Variants in FMN1 observed in about 807,000 individuals in gnomAD.
The protein encoded by FMN1 is formin-1.
Under a neutral mutation model 132.4 loss-of-function variants are expected in FMN1, and 110 were observed. The ratio of observed to expected loss-of-function variants is 0.83; its 90% CI spans 0.71 to 0.97. The LOEUF (loss-of-function observed/expected upper bound fraction) is 0.97. FMN1 is among the 50% of genes least tolerant of loss of function. The pLI, the probability that FMN1 is intolerant of heterozygous loss-of-function variation, is 0.00. For synonymous variants in FMN1, 722 were observed against 651.7 expected, an observed-to-expected ratio of 1.11 and a Z score of -1.64; for missense variants, 1,792 against 1,705.3, an observed-to-expected ratio of 1.05 and a Z score of -0.90.
rs536371631 is a variant in FMN1 at position 33,128,852 on chromosome 15, G to A, written c.1867+24196C>T. The stretch of plus-strand genomic sequence containing the variant: ...CTCCGCAATGCGGAAGACAACCGGA[G>A]CAGACTGCAGAGGCCTGCGTGCGTG... On this transcript the variant is annotated intron_variant, in intron 4 of 20. Transcript: ENST00000616417. 5.2e-4 allele frequency among the ~76,000 whole-genome samples: 79 copies of A among 152,332 alleles called. 1 individual carries two copies. The highest frequency in any genetic ancestry group is 1.8e-3 in the African/African-American group (74 of 41,580).
chr15:32,928,371 T>C (rs1397327235), intron 9 of FMN1, among the ~76,000 whole-genome samples: 1 of 151,826 alleles, frequency 6.6e-6, no homozygotes, highest in Non-Finnish European at 1.5e-5. Context: ...TCCTTAAAAA[T>C]GCAATTTCTG....
chr15:32,917,495 TTAA>T, intron 10 of FMN1, among the ~76,000 whole-genome samples: 1 of 152,234 alleles, frequency 6.6e-6, no homozygotes, highest in East Asian at 1.9e-4. Flanking sequence ...GGATTAATAC[TTAA>T]TAACTGATAG....
intron 6 of FMN1, among the ~76,000 whole-genome samples, chr15:33,061,132 T>C (rs2037463727): frequency 6.6e-6 from 1 of 152,206 alleles, no homozygotes. Flanking sequence ...TTTTCTTCTG[T>C]GCTTTCTATC....
intron 16 of FMN1, among the ~76,000 whole-genome samples, chr15:32,876,926 T>G (rs764669224): frequency 1.5e-4 from 22 of 146,964 alleles, no homozygotes; most frequent in Admixed American, 6.8e-4. Context: ...TTTTCCATGA[T>G]TCCCAATTTT....
At position 32,901,944 on chromosome 15, in the gene FMN1, G is replaced by A. The variant is rs2060307306; in HGVS notation, c.3474C>T (p.His1158=). The change falls in exon 13 of 21, where the codon CAC becomes CAT. Residue 1158 remains histidine, a synonymous_variant. Coordinates refer to ENST00000616417, the MANE Select transcript of FMN1 (RefSeq NM_001277313.2). ...SVFSEGITSL[H]RKVEIITRAS... is the part of the protein sequence containing the mutation. ...CTCGCGTGATGATCTCTACCTTTCT[G>A]TGCAAGGAGGTGATACCCTCAGAAA... The A allele has an allele frequency of 1.2e-6, 2 of 1,612,850 alleles. No individual in the cohort carries two copies. Among genetic ancestry groups the A allele is most frequent in the Non-Finnish European group, 1.7e-6 (2 of 1,179,446 alleles).
chr15:32,978,589 A>G (rs116045342), intron 7 of FMN1, among the ~76,000 whole-genome samples: 2,080 of 152,308 alleles, frequency 0.014, 42 homozygotes, highest in African/African-American at 0.048. Flanking sequence ...TATTATTATC[A>G]CTACTGAAGC....
chr15:33,183,954 AT>A (rs371174429), intron 2 of FMN1, among the ~76,000 whole-genome samples: 2,906 of 151,496 alleles, frequency 0.019, 42 homozygotes, highest in Non-Finnish European at 0.023. Flanking sequence ...TAACTTCATG[AT>A]TTTTTTTTGG....
At chr15:32,936,955 C>G (rs1383584909) in intron 9 of FMN1, among the ~76,000 whole-genome samples, 1 of 152,174 alleles carries the variant, frequency 6.6e-6, no homozygotes, top group Non-Finnish European at 1.5e-5. Context: ...CTCCAGGCAT[C>G]TAGAGTATGC....
intron 15 of FMN1, among the ~76,000 whole-genome samples, chr15:32,893,390 G>A (rs563405561): frequency 1.2e-3 from 185 of 151,794 alleles, no homozygotes; most frequent in African/African-American, 4.1e-3. Flanking sequence ...GTGCGCGCTC[G>A]TGCGCGCGCT....
intron 19 of FMN1, among the ~76,000 whole-genome samples, chr15:32,782,738 C>T (rs777766710): frequency 1.6e-4 from 24 of 152,122 alleles, no homozygotes; most frequent in Admixed American, 6.5e-4. Flanking sequence ...TGTTTCTGGC[C>T]TAAATGTTGG....
In FMN1 at chr15:32,783,635, C is replaced by G. The variant is rs375767207; in HGVS notation, c.4131-6716G>C. ...GTGGGCGCCTGTAGTCCCAGCTACT[C>G]AGGAGGCTGAGGCAGGAGAATGGCG... On this transcript the variant is annotated intron_variant, in intron 19 of 20. Coordinates refer to ENST00000616417, the MANE Select transcript of FMN1 (RefSeq NM_001277313.2). 5.3e-5 allele frequency among the ~76,000 whole-genome samples: 8 copies of G among 151,420 alleles called. 1 individual carries two copies. The highest frequency in any genetic ancestry group is 2.0e-4 in the East Asian group (1 of 5,108).
chr15:33,024,223 ATTTTTTTTTTTTTTTT>A lies in FMN1; in HGVS notation c.2162-16164_2162-16149del, dbSNP rs555760509. On this transcript the variant is annotated intron_variant, in intron 6 of 20. Transcript: ENST00000616417. The stretch of plus-strand genomic sequence containing the variant: ...GGGAATACTATTTCACACCTATCAG[ATTTTTTTTTTTTTTTT>A]TTTTTTTTTTTTTTTTTTTTTTTGA... Among the ~76,000 whole-genome samples, 15 of 88,018 alleles carry A rather than the reference ATTTTTTTTTTTTTTTT, an allele frequency of 1.7e-4. 1 individual carries two copies. In the East Asian group the frequency reaches 3.8e-3, roughly 23 times the overall value. The allele number at this position is 88,018 out of a possible 152,430, so 57.7% of individuals were successfully genotyped here.
chr15:32,774,514 T>C (rs1394581053), intron 20 of FMN1, among the ~76,000 whole-genome samples, 160 bp from the exon 21 acceptor site: 1 of 151,176 alleles, frequency 6.6e-6, no homozygotes, highest in Non-Finnish European at 1.5e-5. Flanking sequence ...CTTAGTTATC[T>C]GCCCCTCCCT....
Position 33,064,643 on chromosome 15 carries a change from A to G in FMN1, c.2161+314T>C, listed in dbSNP as rs533396902. ...TTCTAGCAACACTGCCAGCTCACAA[A>G]ATTGTATGAGGACCAACCACCGGCT... On this transcript the variant is annotated intron_variant, in intron 6 of 20. Coordinates refer to ENST00000616417, the MANE Select transcript of FMN1 (RefSeq NM_001277313.2). 3.9e-5 allele frequency: 8 copies of G among 203,662 alleles called. No homozygotes were observed. The East Asian group carries it at 1.1e-3, about 27-fold the overall frequency. 12.6% of individuals were successfully genotyped at this position (203,662 alleles called of 1,614,324 possible).
chr15:33,181,814 T>C (rs1282574362), intron 2 of FMN1, among the ~76,000 whole-genome samples: 1 of 150,960 alleles, frequency 6.6e-6, no homozygotes, highest in Admixed American at 6.7e-5. Context: ...GTTAAAGCGA[T>C]TCTCCTTCCT....
chr15:33,134,863 G>C (rs1424825399), intron 4 of FMN1, among the ~76,000 whole-genome samples: 1 of 152,166 alleles, frequency 6.6e-6, no homozygotes, highest in Admixed American at 6.5e-5. Flanking sequence ...TTAGCCAGGC[G>C]TGGTGGCTTA....
At chr15:33,046,759 T>TCC (rs2036704579) in intron 6 of FMN1, among the ~76,000 whole-genome samples, 1 of 152,072 alleles carries the variant, frequency 6.6e-6, no homozygotes, top group African/African-American at 2.4e-5. Context: ...TCTCTCTCTC[T>TCC]GTGCAAACTG....
At chr15:32,884,028 C>T (rs1253852484) in intron 16 of FMN1, among the ~76,000 whole-genome samples, 2 of 152,096 alleles carry the variant, frequency 1.3e-5, no homozygotes, top group Non-Finnish European at 2.9e-5. Flanking sequence ...TTCAGCAATG[C>T]TGCACGCGCA....
intron 4 of FMN1, among the ~76,000 whole-genome samples, chr15:33,127,868 G>A (rs1450082628): frequency 1.3e-5 from 2 of 152,204 alleles, no homozygotes; most frequent in Non-Finnish European, 2.9e-5. Flanking sequence ...AGACAGTGCT[G>A]TTTCCGAGGA....
Sources: allele counts gnomAD v4.1 joint callset (sites outside exome capture counted in the v4.1 genomes callset), GRCh38; gene constraint gnomAD v4.1.1; transcripts MANE v1.5; gene names NCBI Gene and HGNC (gene_info 2026-07-23, HGNC 2026-07-21).